AGTPBP1: variants seen among roughly 807,000 people sequenced by gnomAD.
AGTPBP1 encodes cytosolic carboxypeptidase 1.
Under a neutral mutation model 143.9 loss-of-function variants are expected in AGTPBP1, and 70 were observed. That is an observed-to-expected ratio of 0.49 (90% CI 0.40 to 0.59). The LOEUF (loss-of-function observed/expected upper bound fraction) is 0.59. AGTPBP1 is among the 20% of genes least tolerant of loss of function. AGTPBP1 has a pLI of 0.00. For missense variants in AGTPBP1, 1,229 were observed against 1,464.5 expected, an observed-to-expected ratio of 0.84 and a Z score of 2.62; for synonymous variants, 463 against 500.2, an observed-to-expected ratio of 0.93 and a Z score of 0.99.
chr9:85,568,037 C>A (rs1175179431), intron 25 of AGTPBP1, among the ~76,000 whole-genome samples: 1 of 152,148 alleles, frequency 6.6e-6, no homozygotes, highest in African/African-American at 2.4e-5. Context: ...AGTGGAGGCA[C>A]AGACATTTTG....
At chr9:85,613,995 A>G (rs7020579) in intron 17 of AGTPBP1, among the ~76,000 whole-genome samples, 32,200 of 151,998 alleles carry the variant, frequency 0.21, 4,266 homozygotes, top group East Asian at 0.53. Flanking sequence ...CTATATGGTC[A>G]CATTACATTC....
chr9:85,692,076 C>T (rs1264365402), intron 3 of AGTPBP1, among the ~76,000 whole-genome samples: 1 of 151,976 alleles, frequency 6.6e-6, no homozygotes, highest in African/African-American at 2.4e-5. Flanking sequence ...CCCATAATAA[C>T]CAATATTCTA....
At chr9:85,681,939 G>A (rs926038842) in intron 3 of AGTPBP1, among the ~76,000 whole-genome samples, 10 of 150,942 alleles carry the variant, frequency 6.6e-5, no homozygotes, top group South Asian at 2.1e-4. Context: ...TAGTAGAGAC[G>A]GGGTTTTACC....
the AGTPBP1 span, among the ~76,000 whole-genome samples, chr9:85,791,707 A>C: frequency 6.6e-6 from 1 of 152,198 alleles, no homozygotes; most frequent in African/African-American, 2.4e-5. Context: ...CTTGGTTAGT[A>C]CTGACTTTGC....
intron 19 of AGTPBP1, among the ~76,000 whole-genome samples, 199 bp downstream of exon 19, chr9:85,592,361 T>C (rs1166306435): frequency 6.6e-6 from 1 of 152,098 alleles, no homozygotes; most frequent in African/African-American, 2.4e-5. Context: ...CCTTTTCTTA[T>C]GTTATATTTA....
At chr9:85,698,269 A>C (rs1023648870) in intron 2 of AGTPBP1, among the ~76,000 whole-genome samples, 2 of 152,198 alleles carry the variant, frequency 1.3e-5, no homozygotes, top group African/African-American at 4.8e-5. Flanking sequence ...ACAAAAGAAA[A>C]CTTTCATCTT....
At chr9:85,583,618 T>C (rs1018426889) in intron 23 of AGTPBP1, among the ~76,000 whole-genome samples, 9 of 152,146 alleles carry the variant, frequency 5.9e-5, no homozygotes, top group Non-Finnish European at 1.0e-4. Context: ...TGAGACAAGA[T>C]AATTTTAATG....
intron 10 of AGTPBP1, 79 bp from the exon 11 acceptor site, chr9:85,655,399 T>C (rs897027779): frequency 7.6e-6 from 9 of 1,180,866 alleles, no homozygotes; most frequent in African/African-American, 1.6e-5. Flanking sequence ...TCAAAAAGTG[T>C]CATACATTAA....
At chr9:85,702,852 G>A (rs1388040683) in intron 2 of AGTPBP1, among the ~76,000 whole-genome samples, 7 of 151,910 alleles carry the variant, frequency 4.6e-5, no homozygotes, top group Non-Finnish European at 7.4e-5. Context: ...TTGGATACAT[G>A]CTATTGGTTT....
intron 23 of AGTPBP1, among the ~76,000 whole-genome samples, chr9:85,581,519 G>A (rs1046527396): frequency 1.3e-5 from 2 of 152,198 alleles, no homozygotes; most frequent in Non-Finnish European, 2.9e-5. Context: ...TTGGTCTATA[G>A]TTATAATTAA....
At chr9:85,743,204 G>A (rs914418097), upstream of AGTPBP1, among the ~76,000 whole-genome samples, 33 of 152,138 alleles carry the variant, frequency 2.2e-4, no homozygotes, top group African/African-American at 7.7e-4. Context: ...TGCTAAATAT[G>A]TATGTAATAT....
intron 1 of AGTPBP1, among the ~76,000 whole-genome samples, chr9:85,718,709 A>G (rs1420311019): frequency 2.0e-5 from 3 of 152,092 alleles, no homozygotes; most frequent in South Asian, 4.1e-4. Context: ...TTTTGTTGCC[A>G]TTGCTTTTGG....
intron 10 of AGTPBP1, among the ~76,000 whole-genome samples, chr9:85,655,743 T>A (rs1451072179): frequency 1.3e-5 from 2 of 151,986 alleles, no homozygotes; most frequent in Non-Finnish European, 2.9e-5. Flanking sequence ...ACTGTATCAG[T>A]TATCATGCAA....
chr9:85,568,434 C>T (rs1827247135), intron 25 of AGTPBP1, among the ~76,000 whole-genome samples: 1 of 152,082 alleles, frequency 6.6e-6, no homozygotes, highest in African/African-American at 2.4e-5. Context: ...GTGGTCAGTG[C>T]AGTTAGAATG....
intron 14 of AGTPBP1, among the ~76,000 whole-genome samples, chr9:85,622,227 C>T (rs2133566896): frequency 6.6e-6 from 1 of 152,290 alleles, no homozygotes; most frequent in East Asian, 1.9e-4. Context: ...AGAACTGTGG[C>T]TTATAGATTT....
intron 22 of AGTPBP1, 63 bp downstream of exon 22, chr9:85,586,768 T>C (rs1828639104): frequency 6.4e-7 from 1 of 1,559,944 alleles, no homozygotes; most frequent in Admixed American, 1.8e-5. Flanking sequence ...CACAAGTGCT[T>C]GATAATTAAA....
At chr9:85,572,002 GTGTTTTTTTTTTTTTTTTTTT>G (rs1564019593) in intron 25 of AGTPBP1, among the ~76,000 whole-genome samples, 2 of 85,288 alleles carry the variant, frequency 2.3e-5, no homozygotes, top group African/African-American at 7.3e-5. Flanking sequence ...TTGTTTGTGT[GTGTTTTTTTTTTTTTTTTTTT>G]TTTTTTTTTT....
At chr9:85,660,215 A>T (rs1278415793) in intron 9 of AGTPBP1, among the ~76,000 whole-genome samples, 2 of 152,044 alleles carry the variant, frequency 1.3e-5, no homozygotes, top group Non-Finnish European at 2.9e-5. Flanking sequence ...GGGGACATAT[A>T]AAAGCCACCC....
chr9:85,788,418 T>C, the AGTPBP1 span, among the ~76,000 whole-genome samples: 1 of 149,652 alleles, frequency 6.7e-6, no homozygotes, highest in Non-Finnish European at 1.5e-5. Context: ...CATATATATA[T>C]ATATACACTT....
Sources: allele counts gnomAD v4.1 joint callset (sites outside exome capture counted in the v4.1 genomes callset), GRCh38; gene constraint gnomAD v4.1.1; transcripts MANE v1.5; gene names NCBI Gene and HGNC (gene_info 2026-07-23, HGNC 2026-07-21).